ABCC3: variants seen among roughly 807,000 people sequenced by gnomAD.
ABCC3 encodes ATP binding cassette subfamily C member 3.
ABCC3 carries 121 observed loss-of-function variants against 165.3 expected under a neutral mutation model. The ratio of observed to expected loss-of-function variants is 0.73; its 90% CI spans 0.63 to 0.85. ABCC3 has a LOEUF of 0.85. Ranked by LOEUF, ABCC3 falls within the 40% of genes least tolerant of loss-of-function variation. The pLI is 0.00. For synonymous variants in ABCC3, 733 were observed against 810.1 expected (o/e 0.90, Z 1.62); for missense variants, 1,869 against 1,964.1 (o/e 0.95, Z 0.92).
rs777439043 is a variant in ABCC3, at chr17:50,676,570, G to A, written c.3360G>A (p.Val1120=). The change falls in exon 23 of 31, where the codon GTG becomes GTA. Residue 1120 remains valine (V), a synonymous_variant. Transcript: ENST00000285238. ...LFTVVILPLA[V]LYTLVQRFYA... ...CTGTGGTCATCCTGCCCCTGGCTGT[G>A]CTCTACACCTTAGTGCAGGTGTGGG... is the stretch of plus-strand genomic sequence containing the variant. 6 of 1,611,222 alleles carry A rather than the reference G, an allele frequency of 3.7e-6. No individual in the cohort carries two copies. In the East Asian group the frequency reaches 1.3e-4, roughly 36 times the overall value.
At chr17:50,646,600 C>G (rs1967006140) in intron 1 of ABCC3, among the ~76,000 whole-genome samples, 1 of 152,222 alleles carries the variant, frequency 6.6e-6, no homozygotes, top group African/African-American at 2.4e-5. Flanking sequence ...GACCCTCTTG[C>G]ACCAGGCAGG....
intron 10 of ABCC3, 131 bp downstream of exon 10, chr17:50,664,242 G>T: frequency 7.8e-7 from 1 of 1,277,414 alleles, no homozygotes; most frequent in Non-Finnish European, 1.1e-6. Flanking sequence ...GAGGCAAGAG[G>T]ATCACTTGAG....
chr17:50,684,985 G>A (rs1230717207), intron 29 of ABCC3, 110 bp downstream of exon 29: 1 of 1,224,024 alleles, frequency 8.2e-7, no homozygotes, highest in African/African-American at 1.5e-5. Flanking sequence ...GCCCGGATGT[G>A]CACAGGGCTG....
intron 1 of ABCC3, among the ~76,000 whole-genome samples, chr17:50,638,473 G>A (rs1232654070): frequency 6.6e-6 from 1 of 152,188 alleles, no homozygotes; most frequent in African/African-American, 2.4e-5. Context: ...TGGCGGAGAT[G>A]CTGGAGAGAG....
intron 4 of ABCC3, among the ~76,000 whole-genome samples, chr17:50,657,670 C>G (rs765153769): frequency 1.1e-4 from 17 of 152,178 alleles, no homozygotes; most frequent in Non-Finnish European, 2.1e-4. Context: ...ATTTCTCCAT[C>G]TCAGCGGGAA....
At chr17:50,649,346 G>A (rs993860414) in intron 1 of ABCC3, among the ~76,000 whole-genome samples, 2 of 152,102 alleles carry the variant, frequency 1.3e-5, no homozygotes, top group Non-Finnish European at 2.9e-5. Flanking sequence ...CGACAGATCA[G>A]TATTTGCCTT....
rs766257330 is a variant in ABCC3 at position 50,669,519 on chromosome 17, T to G, written c.2232T>G (p.Ile744Met). 1.9e-6 allele frequency: 3 copies of G among 1,614,032 alleles called. No individual in the cohort carries two copies. The highest frequency in any genetic ancestry group is 2.5e-6 in the Non-Finnish European group (3 of 1,180,008). Residue 744 changes from isoleucine (I) to methionine (M), a missense_variant, in exon 17 of 31, where the codon ATT (isoleucine) becomes ATG (methionine). Ile to Met is a conservative substitution (Grantham distance 10). Transcript: ENST00000285238. ...EMLPGGDQTE[I>M]GEKGINLSGG... ...TGCCTGGTGGGGATCAGACAGAGAT[T>G]GGAGAGAAGGTACAGAGTCCTCTTC...
intron 26 of ABCC3, among the ~76,000 whole-genome samples, chr17:50,680,891 A>G (rs573730738): frequency 7.2e-5 from 11 of 152,262 alleles, no homozygotes; most frequent in Admixed American, 5.2e-4. Context: ...CCTGGCCAAC[A>G]TGGTGAAACC....
At chr17:50,671,982 A>G (rs1967657658) in intron 17 of ABCC3, among the ~76,000 whole-genome samples, 1 of 151,652 alleles carries the variant, frequency 6.6e-6, no homozygotes. Flanking sequence ...TCGACCTCCC[A>G]AATTGCTGGG....
chr17:50,673,297 C>T (rs2146627785), intron 18 of ABCC3, 159 bp downstream of exon 18: 1 of 1,226,108 alleles, frequency 8.2e-7, no homozygotes, highest in East Asian at 2.5e-5. Context: ...GGGACAACTC[C>T]CCCACCTGCG....
At position 50,673,616 on chromosome 17, in the gene ABCC3, GCC is replaced by G; in HGVS notation, c.2561_2562del (p.Pro854ArgfsTer2). ...CTTTGCCAACTTTCTCTGCAACTAT[GCC>G]CCCGATGAGGACCAAGGGCACCTGG... ...GSFANFLCNY[A>X]PDEDQGHLED... On this transcript the variant is annotated frameshift_variant, in exon 19 of 31. Coordinates refer to ENST00000285238, the MANE Select transcript of ABCC3 (RefSeq NM_003786.4). LOFTEE classifies it high-confidence loss of function. The G allele has an allele frequency of 6.2e-7, 1 of 1,614,174 alleles. No homozygotes were observed. Among genetic ancestry groups the G allele is most frequent in the Non-Finnish European group, 8.5e-7 (1 of 1,180,040 alleles).
Position 50,673,573 on chromosome 17 carries a change from G to A in ABCC3, c.2514G>A (p.Leu838=). ...QVSEMGPYPA[L]LQRNGSFANF... ...CTGAGATGGGCCCGTACCCAGCCCT[G>A]CTGCAGCGCAACGGCTCCTTTGCCA... is the stretch of plus-strand genomic sequence containing the variant. The change falls in exon 19 of 31, where the codon CTG becomes CTA. Residue 838 remains leucine (L), a synonymous_variant. Coordinates refer to ENST00000285238, the MANE Select transcript of ABCC3 (RefSeq NM_003786.4). The A allele has an allele frequency of 6.2e-7, 1 of 1,614,210 alleles. No individual in the cohort carries two copies. Among genetic ancestry groups the A allele is most frequent in the Non-Finnish European group, 8.5e-7 (1 of 1,180,032 alleles).
chr17:50,669,823 CCTCA>C (rs1967608926), intron 17 of ABCC3, among the ~76,000 whole-genome samples: 1 of 151,952 alleles, frequency 6.6e-6, no homozygotes, highest in African/African-American at 2.4e-5. Context: ...TGAGATAAGG[CCTCA>C]CTCTGTTGCC....
At position 50,683,987 on chromosome 17, in the gene ABCC3, C is replaced by G. The variant is rs1214061531; in HGVS notation, c.3993C>G (p.Ser1331=). Reference sequence around the variant, plus strand: ...GCCGCACTGGGGCTGGCAAGTCTTCCATGACCCTTTGCCTGTTCCGCATCC... The same window carrying G: ...GCCGCACTGGGGCTGGCAAGTCTTCGATGACCCTTTGCCTGTTCCGCATCC... ...IVGRTGAGKS[S]MTLCLFRILE... The change falls in exon 28 of 31, where the codon TCC becomes TCG. Residue 1331 remains serine (S), a synonymous_variant. Transcript: ENST00000285238. 1.2e-6 allele frequency: 2 copies of G among 1,613,630 alleles called. No individual in the cohort carries two copies.
chr17:50,683,185 A>C (rs1298972132), intron 26 of ABCC3, among the ~76,000 whole-genome samples: 1 of 151,842 alleles, frequency 6.6e-6, no homozygotes, highest in Non-Finnish European at 1.5e-5. Context: ...CTCCAGCCTG[A>C]GTGACAGAAC....
chr17:50,644,193 C>A (rs1966950908), intron 1 of ABCC3, among the ~76,000 whole-genome samples: 1 of 150,666 alleles, frequency 6.6e-6, no homozygotes, highest in Non-Finnish European at 1.5e-5. Flanking sequence ...CATCTGTAAT[C>A]CCAGCTACTC....
At chr17:50,687,415 A>G in intron 29 of ABCC3, 121 bp from the exon 30 acceptor site, 1 of 948,276 alleles carries the variant, frequency 1.1e-6, no homozygotes, top group South Asian at 1.6e-5. Context: ...TGTGGCAGAA[A>G]TGGGAGAAGT....
At chr17:50,676,982 T>C (rs1967834341) in intron 23 of ABCC3, among the ~76,000 whole-genome samples, 1 of 151,914 alleles carries the variant, frequency 6.6e-6, no homozygotes, top group South Asian at 2.1e-4. Flanking sequence ...CCTCCCAGGT[T>C]CAAGCAATTC....
In ABCC3 at chr17:50,683,697, C is replaced by A; in HGVS notation, c.3895C>A (p.Arg1299=). 1 of 1,608,272 alleles carries A rather than the reference C, an allele frequency of 6.2e-7. No individual in the cohort carries two copies. Among genetic ancestry groups the A allele is most frequent in the African/African-American group, 1.3e-5 (1 of 74,566 alleles). The part of the protein sequence containing the change: ...VEFRNYSVRY[R]PGLDLVLRDL... The stretch of plus-strand genomic sequence containing the variant: ...GTTCCGGAATTATTCTGTGCGCTAC[C>A]GGCCGGGCCTAGACCTGGTGCTGAG... The change falls in exon 27 of 31, where the codon CGG becomes AGG. Residue 1299 remains arginine, a synonymous_variant. Coordinates refer to ENST00000285238, the MANE Select transcript of ABCC3 (RefSeq NM_003786.4).
Sources: allele counts gnomAD v4.1 joint callset (sites outside exome capture counted in the v4.1 genomes callset), GRCh38; gene constraint gnomAD v4.1.1; transcripts MANE v1.5; gene names NCBI Gene and HGNC (gene_info 2026-07-23, HGNC 2026-07-21).